The following TFDP1 variants were observed in gnomAD, a reference collection of about 807,000 sequenced individuals.
The protein encoded by TFDP1 is transcription factor Dp-1, also known as DRTF1-polypeptide 1.
Under a neutral mutation model 48.0 loss-of-function variants are expected in TFDP1, and 6 were observed. The ratio of observed to expected loss-of-function variants is 0.13; its 90% CI spans 0.07 to 0.25. The LOEUF is 0.25. Among genes scored for constraint, TFDP1 ranks in the 10% least tolerant of loss-of-function variants. The pLI, the probability that TFDP1 is intolerant of heterozygous loss-of-function variation, is 1.00. For missense variants in TFDP1, 335 were observed against 543.0 expected (o/e 0.62, Z 3.81); for synonymous variants, 201 against 211.6 (o/e 0.95, Z 0.44).
chr13:113,636,350 T>C (rs1195049940), intron 9 of TFDP1, among the ~76,000 whole-genome samples, 184 bp from the exon 10 acceptor site: 4 of 152,236 alleles, frequency 2.6e-5, no homozygotes, highest in Admixed American at 2.6e-4. Context: ...CTGGGGAGAA[T>C]AGGCCTCGAT....
chr13:113,639,541 G>T (rs2140672271), intron 11 of TFDP1, among the ~76,000 whole-genome samples: 1 of 152,316 alleles, frequency 6.6e-6, no homozygotes, highest in Non-Finnish European at 1.5e-5. Flanking sequence ...CATTTTTATT[G>T]TAGTGTTAAT....
chr13:113,585,935 A>G (rs2140244513), intron 2 of TFDP1, 86 bp downstream of exon 2: 1 of 1,447,544 alleles, frequency 6.9e-7, no homozygotes. Flanking sequence ...CAGAATGACA[A>G]CACATAAGCT....
Position 113,584,819 on chromosome 13 carries a change from CCGCGCCGCCCCG to C in TFDP1, c.-130_-119del, listed in dbSNP as rs1332300913. On this transcript the variant is annotated 5_prime_UTR_variant, in exon 1 of 12. Transcript: ENST00000375370. ...CGGCCCGGCCCCAGCCCGCGCCTCT[CCGCGCCGCCCCG>C]CGCTCCGCACCGCGCCCTCTCCGCG... 5 of 146,172 alleles carry C rather than the reference CCGCGCCGCCCCG, an allele frequency of 3.4e-5. No homozygotes were observed. Among genetic ancestry groups the C allele is most frequent in the Non-Finnish European group, 6.1e-5 (4 of 65,836 alleles). 9.1% of individuals were successfully genotyped at this position (146,172 alleles called of 1,614,324 possible). A position where few individuals can be genotyped will look rare whatever the true frequency, so the allele number is the denominator to read the frequency against.
intron 2 of TFDP1, among the ~76,000 whole-genome samples, chr13:113,597,198 TAAAAGGG>T (rs2048308180): frequency 6.6e-6 from 1 of 152,224 alleles, no homozygotes; most frequent in Non-Finnish European, 1.5e-5. Context: ...AAATTCTTTC[TAAAAGGG>T]AAAAGAGTAT....
rs940029372 is a variant in TFDP1, at chr13:113,631,483, C to T, written c.187-140C>T. ...CGTGACAAAAGCGTCCACCGCTGGA[C>T]GTTTTTCCTGCTCCGTCATGGCTGC... On this transcript the variant is annotated intron_variant, in intron 4 of 11. Coordinates refer to ENST00000375370, the MANE Select transcript of TFDP1 (RefSeq NM_007111.5). The T allele has an allele frequency of 1.2e-5, 13 of 1,103,284 alleles. No homozygotes were observed. The East Asian group carries it at 1.4e-4, about 12-fold the overall frequency. 68.3% of individuals were successfully genotyped at this position (1,103,284 alleles called of 1,614,324 possible).
intron 2 of TFDP1, among the ~76,000 whole-genome samples, chr13:113,594,904 T>A (rs1338006626): frequency 6.6e-6 from 1 of 152,230 alleles, no homozygotes; most frequent in East Asian, 1.9e-4. Context: ...GAAAATGAAG[T>A]CACGTTCATA....
chr13:113,640,157 A>C lies in TFDP1; in HGVS notation c.1123A>C (p.Ser375Arg). Residue 375 changes from serine to arginine, a missense_variant, in exon 12 of 12, where the codon AGC (serine) becomes CGC (arginine). Transcript: ENST00000375370. ...TNGADGMLATSSNGSQYSGSR... is the reference protein window; with the variant it reads ...TNGADGMLATRSNGSQYSGSR... The stretch of plus-strand genomic sequence containing the variant: ...CGGTGCAGATGGGATGCTGGCCACA[A>C]GCTCCAATGGGTCTCAGTACAGCGG... 6.2e-7 allele frequency: 1 copy of C among 1,611,924 alleles called. No individual in the cohort carries two copies. Among genetic ancestry groups the C allele is most frequent in the Non-Finnish European group, 8.5e-7 (1 of 1,179,294 alleles).
chr13:113,636,199 G>A, intron 9 of TFDP1, 71 bp downstream of exon 9: 1 of 1,554,306 alleles, frequency 6.4e-7, no homozygotes, highest in Non-Finnish European at 8.8e-7. Context: ...TGTTGGTATT[G>A]TCACTAGGAC....
At chr13:113,605,211 CAG>C (rs2048534716) in intron 2 of TFDP1, among the ~76,000 whole-genome samples, 1 of 151,946 alleles carries the variant, frequency 6.6e-6, no homozygotes, top group African/African-American at 2.4e-5. Context: ...GGGTGGGTGT[CAG>C]AGAGTGAGTG....
At chr13:113,608,815 T>C (rs1329863768) in intron 2 of TFDP1, among the ~76,000 whole-genome samples, 1 of 152,212 alleles carries the variant, frequency 6.6e-6, no homozygotes, top group African/African-American at 2.4e-5. Flanking sequence ...TAGCCCACCA[T>C]AGCCACTTGG....
chr13:113,625,915 CTCTCACGTGTCCTCAGGTGTT>C (rs2049158614), intron 4 of TFDP1, among the ~76,000 whole-genome samples: 4 of 141,108 alleles, frequency 2.8e-5, no homozygotes, highest in East Asian at 2.2e-4. Flanking sequence ...CCTCAGGTGT[CTCTCACGTGTCCTCAGGTGTT>C]TCTCAGGCGT....
intron 4 of TFDP1, among the ~76,000 whole-genome samples, chr13:113,628,875 G>A (rs574399069): frequency 3.3e-5 from 5 of 152,240 alleles, no homozygotes; most frequent in East Asian, 1.9e-4. Context: ...GGCTCCTGGT[G>A]TAGGGAAGTG....
At chr13:113,595,071 AT>A (rs1270830565) in intron 2 of TFDP1, among the ~76,000 whole-genome samples, 1 of 151,740 alleles carries the variant, frequency 6.6e-6, no homozygotes, top group Non-Finnish European at 1.5e-5. Flanking sequence ...CTGGTCAGTT[AT>A]TTTTTTCTAC....
chr13:113,610,670 C>G (rs1017323566), intron 2 of TFDP1, among the ~76,000 whole-genome samples: 6 of 152,254 alleles, frequency 3.9e-5, no homozygotes, highest in African/African-American at 1.4e-4. Context: ...CTGTGCCACA[C>G]TTAAATAGAA....
chr13:113,624,742 T>C (rs2049086475), intron 4 of TFDP1, among the ~76,000 whole-genome samples: 1 of 139,290 alleles, frequency 7.2e-6, no homozygotes, highest in South Asian at 2.3e-4. Flanking sequence ...CTCTCAGGTG[T>C]CTCTCAGGAT....
At chr13:113,621,468 T>G (rs1365771795) in intron 3 of TFDP1, among the ~76,000 whole-genome samples, 1 of 152,160 alleles carries the variant, frequency 6.6e-6, no homozygotes, top group Non-Finnish European at 1.5e-5. Flanking sequence ...CAGATATAGA[T>G]CTTAGATATG....
Position 113,627,448 on chromosome 13 carries a change from CT to C in TFDP1, c.186+4165del. On this transcript the variant is annotated intron_variant, in intron 4 of 11. Transcript: ENST00000375370. The surrounding 1 kb of genome is among the most constrained non-coding windows in gnomAD (Gnocchi z 4.1). ...GCATCTGTGGTCGCAGTGGCCTTTC[CT>C]TTGCAGCTGCGCCACTGGCCCTGTC... 6.6e-6 allele frequency among the ~76,000 whole-genome samples: 1 copy of C among 152,328 alleles called. No homozygotes were observed. The highest frequency in any genetic ancestry group is 2.4e-5 in the African/African-American group (1 of 41,584).
chr13:113,612,410 A>G (rs536477216), intron 3 of TFDP1, among the ~76,000 whole-genome samples: 9 of 152,316 alleles, frequency 5.9e-5, no homozygotes, highest in African/African-American at 2.2e-4. Flanking sequence ...CCGCTTTTCT[A>G]GGAATAGGGA....
intron 3 of TFDP1, among the ~76,000 whole-genome samples, chr13:113,618,003 G>T (rs1235092631): frequency 6.6e-6 from 1 of 152,178 alleles, no homozygotes; most frequent in Admixed American, 6.5e-5. Context: ...CATTTAAAAT[G>T]CTGTATATAA....
Sources: allele counts gnomAD v4.1 joint callset (sites outside exome capture counted in the v4.1 genomes callset), GRCh38; gene constraint gnomAD v4.1.1; non-coding constraint Gnocchi (gnomAD v3.1); transcripts MANE v1.5; gene names NCBI Gene and HGNC (gene_info 2026-07-23, HGNC 2026-07-21).